Variants in NTRK1 observed in about 807,000 individuals in gnomAD.
The protein encoded by NTRK1 is high affinity nerve growth factor receptor.
Under a neutral mutation model 86.8 loss-of-function variants are expected in NTRK1, and 62 were observed. The observed-to-expected ratio is 0.71, with a 90% CI of 0.58 to 0.88. NTRK1 has a LOEUF of 0.88. Ranked by LOEUF, NTRK1 falls within the 40% of genes least tolerant of loss-of-function variation. The probability of loss-of-function intolerance (pLI) is 0.00; values close to 1 mark genes in which losing one functional copy is unlikely to be tolerated. For synonymous variants in NTRK1, 469 were observed against 456.6 expected, an observed-to-expected ratio of 1.03 and a Z score of -0.35; for missense variants, 967 against 1,078.4, an observed-to-expected ratio of 0.90 and a Z score of 1.45.
chr1:156,852,109 T>G (rs1053687664), intron 2 of NTRK1: 3 of 1,613,666 alleles, frequency 1.9e-6, no homozygotes, highest in Non-Finnish European at 2.5e-6. Context: ...GAGGGTCTTC[T>G]GGCTGGCTGC....
chr1:156,855,169 T>C (rs935993280), intron 2 of NTRK1, among the ~76,000 whole-genome samples: 3 of 150,258 alleles, frequency 2.0e-5, no homozygotes, highest in East Asian at 2.0e-4. Context: ...TCTCTGACCA[T>C]CCAATTTTAT....
chr1:156,871,831 G>A (rs2102900706), intron 7 of NTRK1, 76 bp downstream of exon 7: 1 of 1,598,910 alleles, frequency 6.3e-7, no homozygotes, highest in Non-Finnish European at 8.5e-7. Flanking sequence ...TAGGGTGGGG[G>A]GCTGGAAGAA....
intron 6 of NTRK1, among the ~76,000 whole-genome samples, chr1:156,869,126 C>A (rs992002843): frequency 6.6e-6 from 1 of 150,706 alleles, no homozygotes; most frequent in African/African-American, 2.4e-5. Context: ...GGCTGGAGTG[C>A]AGTGGCGCGA....
intron 1 of NTRK1, among the ~76,000 whole-genome samples, chr1:156,822,345 G>A (rs1322118809): frequency 1.3e-5 from 2 of 152,130 alleles, no homozygotes; most frequent in Non-Finnish European, 2.9e-5. Context: ...CTCGATTGAA[G>A]CCAGGAGTTG....
Position 156,868,594 on chromosome 1 carries a change from C to A in NTRK1, c.664C>A (p.Leu222Met). 1 of 1,551,656 alleles carries A rather than the reference C, an allele frequency of 6.4e-7. No homozygotes were observed. The highest frequency in any genetic ancestry group is 2.4e-5 in the East Asian group (1 of 40,966). Residue 222 changes from leucine (L) to methionine (M), a missense_variant, in exon 6 of 17, where the codon CTG becomes ATG. Physicochemically the swap from Leu to Met is conservative, Grantham distance 15 (BLOSUM62 2). Coordinates refer to ENST00000524377, the MANE Select transcript of NTRK1 (RefSeq NM_002529.4). ...GCGGTGCCAGGTGGAGGGGCGGGGC[C>A]TGGAGCAGGCCGGCTGGATCCTCAC... ...LLRCQVEGRG[L>M]EQAGWILTEL...
intron 2 of NTRK1, among the ~76,000 whole-genome samples, chr1:156,850,199 G>T (rs1011332028): frequency 6.6e-6 from 1 of 151,962 alleles, no homozygotes; most frequent in African/African-American, 2.4e-5. Flanking sequence ...ACCGCATCTG[G>T]CCTGGTTGGT....
intron 2 of NTRK1, chr1:156,843,605 G>T: frequency 1.0e-6 from 1 of 996,778 alleles, no homozygotes. Flanking sequence ...GCCTTGGTCA[G>T]GGTGACTCCT....
intron 16 of NTRK1, 41 bp from the exon 17 acceptor site, chr1:156,881,416 A>C: frequency 2.6e-6 from 4 of 1,545,500 alleles, no homozygotes; most frequent in Non-Finnish European, 3.5e-6. Context: ...TCTTGCCCCC[A>C]GCCTAGTGGG....
intron 2 of NTRK1, chr1:156,842,445 G>T: frequency 6.2e-7 from 1 of 1,613,996 alleles, no homozygotes; most frequent in Non-Finnish European, 8.5e-7. Flanking sequence ...AGGTCCCCAC[G>T]GGTCATTAAC....
intron 2 of NTRK1, chr1:156,846,546 TG>T (rs1558086977): frequency 1.2e-6 from 2 of 1,614,154 alleles, no homozygotes; most frequent in Non-Finnish European, 1.7e-6. Context: ...AGGTAGACGA[TG>T]GGACTCTGGG....
intron 1 of NTRK1, among the ~76,000 whole-genome samples, chr1:156,838,172 G>T (rs932339272): frequency 4.6e-5 from 7 of 151,990 alleles, no homozygotes; most frequent in Non-Finnish European, 1.0e-4. Context: ...TCTCCCCAGA[G>T]AACTCCAACC....
Position 156,880,170 on chromosome 1 carries a change from C to A in NTRK1, c.2205+13C>A, listed in dbSNP as rs1648175536. 3 of 1,612,630 alleles carry A rather than the reference C, an allele frequency of 1.9e-6. No homozygotes were observed. Among genetic ancestry groups the A allele is most frequent in the Non-Finnish European group, 2.5e-6 (3 of 1,179,962 alleles). ...CTCCAACACGGAGGTCAGCCCCGGC[C>A]CATGGTCACCCCTTGCTGGCCTCCC... On this transcript the variant is annotated intron_variant, in intron 16 of 16. Coordinates refer to ENST00000524377, the MANE Select transcript of NTRK1 (RefSeq NM_002529.4).
rs138533001 is a variant in NTRK1 at position 156,871,729 on chromosome 1, A to C, written c.824A>C (p.Glu275Ala). ...CWAENDVGRA[E>A]VSVQVNVSFP... ...GCAGAGAACGATGTGGGCCGGGCAG[A>C]GGTCTCTGTTCAGGTCAACGTCTCC... The change falls in exon 7 of 17, where the codon GAG (glutamate) becomes GCG (alanine). Residue 275 changes from glutamate (E) to alanine (A), a missense_variant. Glu to Ala is a moderately radical substitution (Grantham distance 107). Coordinates refer to ENST00000524377, the MANE Select transcript of NTRK1 (RefSeq NM_002529.4). 83 of 1,614,216 alleles carry C rather than the reference A, an allele frequency of 5.1e-5. 1 individual carries two copies. The East Asian group carries it at 1.0e-3, about 19-fold the overall frequency.
At chr1:156,878,490 A>G (rs1401207461) in intron 14 of NTRK1, among the ~76,000 whole-genome samples, 3 of 152,184 alleles carry the variant, frequency 2.0e-5, no homozygotes, top group Non-Finnish European at 2.9e-5. Flanking sequence ...CAACTAAACA[A>G]ATGAGGAGAA....
Position 156,854,042 on chromosome 1 carries a change from A to C in NTRK1, c.51-10312A>C. 4.3e-6 allele frequency: 7 copies of C among 1,614,080 alleles called. No homozygotes were observed. The highest frequency in any genetic ancestry group is 5.9e-6 in the Non-Finnish European group (7 of 1,180,024). On this transcript the variant is annotated intron_variant, in intron 2 of 16. Coordinates refer to the NTRK1 transcript ENST00000392302. The surrounding 1 kb of genome is among the most constrained non-coding windows in gnomAD (Gnocchi z 4.2). ...ACGCAGATGTGGCATCTCAAAGATG[A>C]CCAGTGCATAGCCCAGGAAGAGGCG...
upstream of NTRK1, among the ~76,000 whole-genome samples, chr1:156,857,724 G>A (rs1465777921): frequency 1.3e-5 from 2 of 152,222 alleles, no homozygotes; most frequent in African/African-American, 2.4e-5. Flanking sequence ...CCCAGTCTGA[G>A]GGGCATCATA....
intron 2 of NTRK1, among the ~76,000 whole-genome samples, chr1:156,847,858 T>C (rs1655065425): frequency 6.6e-6 from 1 of 152,128 alleles, no homozygotes; most frequent in South Asian, 2.1e-4. Flanking sequence ...GTTCCCAAGG[T>C]TCTCTGCTCT....
intron 1 of NTRK1, among the ~76,000 whole-genome samples, chr1:156,824,951 C>T (rs1022685696): frequency 2.0e-5 from 3 of 152,102 alleles, no homozygotes; most frequent in East Asian, 1.9e-4. Flanking sequence ...AGTACAATGG[C>T]GCCTCTCAGC....
chr1:156,859,020 C>A (rs1280148888), upstream of NTRK1: 1 of 189,536 alleles, frequency 5.3e-6, no homozygotes, highest in Admixed American at 5.3e-5. The surrounding 1 kb of genome is among the most constrained non-coding windows in gnomAD (Gnocchi z 6.2). Flanking sequence ...CAGCGGGGGT[C>A]CCGGGGCGCG....
Sources: allele counts gnomAD v4.1 joint callset (sites outside exome capture counted in the v4.1 genomes callset), GRCh38; gene constraint gnomAD v4.1.1; non-coding constraint Gnocchi (gnomAD v3.1); transcripts MANE v1.5; gene names NCBI Gene and HGNC (gene_info 2026-07-23, HGNC 2026-07-21).